The following TTC19 variants were observed in gnomAD, a reference collection of about 807,000 sequenced individuals.
The protein encoded by TTC19 is tetratricopeptide repeat protein 19, mitochondrial.
Under a neutral mutation model 49.5 loss-of-function variants are expected in TTC19, and 38 were observed. That is an observed-to-expected ratio of 0.77 (90% confidence interval 0.59 to 1.01). The LOEUF is 1.01. Among genes scored for constraint, TTC19 ranks in the 50% least tolerant of loss-of-function variants. TTC19 has a pLI of 0.00. For missense variants in TTC19, 475 were observed against 477.7 expected, an observed-to-expected ratio of 0.99 and a Z score of 0.05; for synonymous variants, 204 against 185.2, an observed-to-expected ratio of 1.10 and a Z score of -0.83.
In TTC19 at chr17:16,027,862, C is replaced by A. The variant is rs1430866821; in HGVS notation, c.*340C>A. ...CTGTGGGTGTGGTGATTCAGCCTGG[C>A]ATTTCTACCATAAGTTTTTGGTCTG... On this transcript the variant is annotated 3_prime_UTR_variant, in exon 10 of 10. Transcript: ENST00000261647. The A allele has an allele frequency of 6.4e-6, 3 of 471,014 alleles. No individual in the cohort carries two copies. The highest frequency in any genetic ancestry group is 2.0e-5 in the African/African-American group (1 of 50,642). The allele number at this position is 471,014 out of a possible 1,614,324, so 29.2% of individuals were successfully genotyped here. A position where few individuals can be genotyped will look rare whatever the true frequency, so the allele number is the denominator to read the frequency against.
In TTC19 at chr17:16,028,455, T is replaced by C. The variant is rs1971661824; in HGVS notation, c.*933T>C. 1 of 454,100 alleles carries C rather than the reference T, an allele frequency of 2.2e-6. No individual in the cohort carries two copies. The highest frequency in any genetic ancestry group is 1.6e-5 in the South Asian group (1 of 64,478). 28.1% of individuals were successfully genotyped at this position (454,100 alleles called of 1,614,324 possible). Reference sequence around the variant, plus strand: ...AATTTCAGTATCTTCATCTCTAAACTAGGGAAACACTGGGATTCTTTCTTA... The same window carrying C: ...AATTTCAGTATCTTCATCTCTAAACCAGGGAAACACTGGGATTCTTTCTTA... On this transcript the variant is annotated 3_prime_UTR_variant, in exon 10 of 10. Coordinates refer to ENST00000261647, the MANE Select transcript of TTC19 (RefSeq NM_017775.4).
chr17:16,030,763 A>G (rs956998859), downstream of TTC19: 2 of 180,184 alleles, frequency 1.1e-5, no homozygotes, highest in Non-Finnish European at 2.4e-5. Context: ...ATATGGGCAA[A>G]GTACTAAACC....
At chr17:16,022,413 C>T (rs948700438) in intron 7 of TTC19, among the ~76,000 whole-genome samples, 3 of 152,178 alleles carry the variant, frequency 2.0e-5, no homozygotes, top group African/African-American at 4.8e-5. Flanking sequence ...CATTAACACT[C>T]ATCAGAAAGT....
At chr17:16,001,773 C>A in intron 2 of TTC19, 142 bp from the exon 3 acceptor site, 1 of 684,574 alleles carries the variant, frequency 1.5e-6, no homozygotes, top group Non-Finnish European at 2.6e-6. Context: ...ATGCTTTGTA[C>A]ATAGTAGGAA....
chr17:16,025,126 A>G lies in TTC19; in HGVS notation c.786A>G (p.Lys262=), dbSNP rs1372399967. The change falls in exon 8 of 10, where the codon AAA becomes AAG. Residue 262 remains lysine (K), a synonymous_variant. Transcript: ENST00000261647. The part of the protein sequence containing the change: ...QPSQAQRMYE[K]ALQISEEIQG... ...CACAGGCACAAAGGATGTATGAAAA[A>G]GCTCTGCAGATTTCTGAAGAAATAC... 8.1e-6 allele frequency: 13 copies of G among 1,613,996 alleles called. No homozygotes were observed. Among genetic ancestry groups the G allele is most frequent in the Non-Finnish European group, 1.1e-5 (13 of 1,179,920 alleles).
downstream of TTC19, chr17:16,029,685 G>A (rs570572793): frequency 1.3e-5 from 2 of 154,828 alleles, no homozygotes; most frequent in African/African-American, 4.8e-5. Flanking sequence ...GCTGCTCTGT[G>A]CTTACCACTT....
downstream of TTC19, chr17:16,031,706 A>G (rs1972032870): frequency 4.4e-6 from 1 of 228,316 alleles, no homozygotes. Flanking sequence ...GGTCTGTGTT[A>G]AAAATCTAAA....
intron 2 of TTC19, chr17:16,039,694 G>C (rs1185217553): frequency 2.6e-6 from 4 of 1,550,296 alleles, no homozygotes; most frequent in Non-Finnish European, 3.5e-6. Flanking sequence ...ATTTCTGAAA[G>C]GCCAATCAGG....
intron 7 of TTC19, among the ~76,000 whole-genome samples, chr17:16,012,098 C>T (rs2151660321): frequency 6.6e-6 from 1 of 151,276 alleles, no homozygotes; most frequent in East Asian, 1.9e-4. Flanking sequence ...AAATATTAAT[C>T]CTTTGTCTCT....
At position 16,004,361 on chromosome 17, in the gene TTC19, A is replaced by G. The variant is rs995851331; in HGVS notation, c.581+99A>G. 6.1e-6 allele frequency: 7 copies of G among 1,145,704 alleles called. No individual in the cohort carries two copies. In the African/African-American group the frequency reaches 7.6e-5, roughly 12 times the overall value. 71.0% of individuals were successfully genotyped at this position (1,145,704 alleles called of 1,614,324 possible). On this transcript the variant is annotated intron_variant, in intron 6 of 9. Coordinates refer to ENST00000261647, the MANE Select transcript of TTC19 (RefSeq NM_017775.4). The stretch of plus-strand genomic sequence containing the variant: ...TCTACTGGTCATCTGGGTCTCCCAG[A>G]AATTGGGTGTCACACTCAAAGTGTT...
intron 2 of TTC19, among the ~76,000 whole-genome samples, chr17:16,041,612 A>G (rs1284824766): frequency 3.3e-5 from 5 of 151,772 alleles, no homozygotes; most frequent in Admixed American, 6.6e-5. Context: ...ACGGAGTTTC[A>G]CCATTTTGGC....
Position 16,044,688 on chromosome 17 carries a change from T to C in TTC19, c.*133T>C, listed in dbSNP as rs575800273. Reference sequence around the variant, plus strand: ...ACTCTGCATGACAATGAGGTGACCATCACGGAGGATAAGATCAATGCCCTC... The same window carrying C: ...ACTCTGCATGACAATGAGGTGACCACCACGGAGGATAAGATCAATGCCCTC... On this transcript the variant is annotated 3_prime_UTR_variant, in exon 3 of 3. Coordinates refer to the TTC19 transcript ENST00000470649. 6 of 678,274 alleles carry C rather than the reference T, an allele frequency of 8.8e-6. No individual in the cohort carries two copies. In the African/African-American group the frequency reaches 8.9e-5, roughly 10 times the overall value. 42.0% of individuals were successfully genotyped at this position (678,274 alleles called of 1,614,324 possible).
chr17:16,024,462 A>ATTTT (rs71353766), intron 7 of TTC19: 54,993 of 133,290 alleles, frequency 0.41, 12,806 homozygotes, highest in Middle Eastern at 0.54. Flanking sequence ...CGCCTGGCTA[A>ATTTT]TTTTTTTTTT....
At chr17:16,004,022 A>T in intron 5 of TTC19, 135 bp downstream of exon 5, 1 of 1,157,554 alleles carries the variant, frequency 8.6e-7, no homozygotes, top group East Asian at 2.4e-5. Flanking sequence ...TCTCTATACA[A>T]ATTGCCATTC....
At chr17:16,033,725 C>CA (rs1973078774), downstream of TTC19, among the ~76,000 whole-genome samples, 1 of 152,110 alleles carries the variant, frequency 6.6e-6, no homozygotes, top group African/African-American at 2.4e-5. Context: ...CAAATAGGCA[C>CA]AAAATAGAAA....
At chr17:16,022,060 AT>A (rs955184587) in intron 7 of TTC19, among the ~76,000 whole-genome samples, 3 of 149,452 alleles carry the variant, frequency 2.0e-5, no homozygotes, top group African/African-American at 4.9e-5. Flanking sequence ...GAGTGGTGCA[AT>A]TTTTTTCACA....
rs1198177522 is a variant in TTC19 at position 16,006,567 on chromosome 17, A to G, written c.675A>G (p.Ser225=). Residue 225 remains serine (S), a splice_region_variant and synonymous_variant, in exon 7 of 10, where the codon TCA becomes TCG. Coordinates refer to ENST00000261647, the MANE Select transcript of TTC19 (RefSeq NM_017775.4). ...REKELAEDIM[S]VEEKANTHLL... ...AGGAATTAGCAGAAGACATTATGTC[A>G]GGTAGGAAACCCATTATCTGGGCAT... 6.3e-7 allele frequency: 1 copy of G among 1,597,662 alleles called. No homozygotes were observed. Among genetic ancestry groups the G allele is most frequent in the Admixed American group, 1.7e-5 (1 of 59,990 alleles).
chr17:16,039,360 G>T, intron 2 of TTC19: 2 of 1,336,846 alleles, frequency 1.5e-6, no homozygotes, highest in Non-Finnish European at 2.1e-6. Flanking sequence ...TCTTAGTGAT[G>T]CATCAGAATT....
chr17:16,001,892 ATTATT>A lies in TTC19; in HGVS notation c.313-20_313-16del. Reference sequence around the variant, plus strand: ...GCATCTACTATATGTTTCATTTTCTATTATTTTGTCTTCCCTTTTCAGTTGAGCAT... The same window carrying A: ...GCATCTACTATATGTTTCATTTTCTATTGTCTTCCCTTTTCAGTTGAGCAT... On this transcript the variant is annotated intron_variant, in intron 2 of 9. Coordinates refer to ENST00000261647, the MANE Select transcript of TTC19 (RefSeq NM_017775.4). The A allele has an allele frequency of 6.5e-7, 1 of 1,540,590 alleles. No individual in the cohort carries two copies. The highest frequency in any genetic ancestry group is 1.1e-5 in the South Asian group (1 of 89,564).
Sources: allele counts gnomAD v4.1 joint callset (sites outside exome capture counted in the v4.1 genomes callset), GRCh38; gene constraint gnomAD v4.1.1; transcripts MANE v1.5; gene names NCBI Gene and HGNC (gene_info 2026-07-23, HGNC 2026-07-21).